Variants in PRKG1 observed in about 807,000 individuals in gnomAD.
PRKG1 encodes protein kinase cGMP-dependent 1.
PRKG1 carries 35 observed loss-of-function variants against 88.1 expected under a neutral mutation model. That is an observed-to-expected ratio of 0.40 (90% CI 0.30 to 0.53). The LOEUF (loss-of-function observed/expected upper bound fraction) is 0.53, where lower values mean the gene tolerates loss of function less well. Among genes scored for constraint, PRKG1 ranks in the 20% least tolerant of loss-of-function variants. The pLI, the probability that PRKG1 is intolerant of heterozygous loss-of-function variation, is 0.59. For missense variants in PRKG1, 540 were observed against 839.8 expected (o/e 0.64, Z 4.41); for synonymous variants, 303 against 292.5 (o/e 1.04, Z -0.37).
At chr10:51,210,981 T>G (rs1838200645) in intron 2 of PRKG1, among the ~76,000 whole-genome samples, 1 of 152,172 alleles carries the variant, frequency 6.6e-6, no homozygotes, top group South Asian at 2.1e-4. Flanking sequence ...AGCATCATCC[T>G]GATACCAAAG....
intron 3 of PRKG1, among the ~76,000 whole-genome samples, chr10:51,670,780 AT>A (rs1840553324): frequency 6.7e-6 from 1 of 149,672 alleles, no homozygotes; most frequent in African/African-American, 2.5e-5. Flanking sequence ...AAATAAATAA[AT>A]AAATAAAAAT....
chr10:51,570,796 GA>G (rs1837733204), intron 3 of PRKG1, among the ~76,000 whole-genome samples: 1 of 151,742 alleles, frequency 6.6e-6, no homozygotes. Context: ...CAAAAGAAAT[GA>G]GATCACTTCT....
At chr10:51,399,214 T>C (rs1837665881) in intron 2 of PRKG1, among the ~76,000 whole-genome samples, 2 of 152,194 alleles carry the variant, frequency 1.3e-5, no homozygotes, top group South Asian at 2.1e-4. Context: ...TTATATGTTA[T>C]ATATGTATAA....
At chr10:51,108,576 G>C (rs969648499) in intron 1 of PRKG1, among the ~76,000 whole-genome samples, 28 of 152,108 alleles carry the variant, frequency 1.8e-4, no homozygotes, top group African/African-American at 6.8e-4. Context: ...ACTTAAGCCA[G>C]TACCCATTCC....
chr10:51,247,406 G>A (rs1839319220), intron 2 of PRKG1, among the ~76,000 whole-genome samples: 1 of 151,878 alleles, frequency 6.6e-6, no homozygotes, highest in Non-Finnish European at 1.5e-5. Flanking sequence ...AATTACATGA[G>A]CAAAACACAT....
chr10:52,250,966 A>G (rs534262631), intron 9 of PRKG1, among the ~76,000 whole-genome samples: 2 of 152,232 alleles, frequency 1.3e-5, no homozygotes, highest in African/African-American at 4.8e-5. Flanking sequence ...AAATGAAGGG[A>G]AGACACTTTT....
In PRKG1 at chr10:51,358,629, CA is replaced by C. The variant is rs201604877; in HGVS notation, c.479-109092del. On this transcript the variant is annotated intron_variant, in intron 2 of 17. Coordinates refer to ENST00000373980, the MANE Select transcript of PRKG1 (RefSeq NM_006258.4). The stretch of plus-strand genomic sequence containing the variant: ...TGTAGTATAATAGAAAGAGAAGAGA[CA>C]AGGAGGAGGCTGATAGTCATTTTAC... 1.6e-3 allele frequency among the ~76,000 whole-genome samples: 247 copies of C among 151,934 alleles called. 1 individual carries two copies. The East Asian group carries it at 0.026, about 16-fold the overall frequency.
rs558719080 is a variant in PRKG1, at chr10:51,810,027, A to G, written c.698+5337A>G. On this transcript the variant is annotated intron_variant, in intron 4 of 17. Coordinates refer to ENST00000373980, the MANE Select transcript of PRKG1 (RefSeq NM_006258.4). ...CCTCCCTTTGAATGGATGCATTACCAGAGTGATCTAAGATGTGACAACACA... is the reference window on the plus strand; with the variant it reads ...CCTCCCTTTGAATGGATGCATTACCGGAGTGATCTAAGATGTGACAACACA... Among the ~76,000 whole-genome samples the G allele has an allele frequency of 2.0e-5, 3 of 152,252 alleles. No individual in the cohort carries two copies. The South Asian group carries it at 6.2e-4, about 32-fold the overall frequency.
chr10:52,277,230 T>C (rs912698688), intron 12 of PRKG1, among the ~76,000 whole-genome samples: 2 of 151,762 alleles, frequency 1.3e-5, no homozygotes, highest in African/African-American at 4.9e-5. Context: ...GTGAGAAGCA[T>C]GGGGAAAGTG....
intron 3 of PRKG1, among the ~76,000 whole-genome samples, chr10:51,606,573 C>G (rs1417975921): frequency 6.6e-6 from 1 of 152,018 alleles, no homozygotes; most frequent in African/African-American, 2.4e-5. Flanking sequence ...AGGGGTAAAT[C>G]AGAGGCTAGG....
At chr10:51,897,049 A>T (rs1841868357) in intron 4 of PRKG1, among the ~76,000 whole-genome samples, 1 of 152,220 alleles carries the variant, frequency 6.6e-6, no homozygotes, top group Admixed American at 6.5e-5. Context: ...GGGACAAGAA[A>T]CTAAGAGAAG....
chr10:51,102,148 G>A (rs1844702500), intron 1 of PRKG1, among the ~76,000 whole-genome samples: 1 of 152,186 alleles, frequency 6.6e-6, no homozygotes, highest in South Asian at 2.1e-4. Flanking sequence ...CAATATGCAA[G>A]TGACCTCAAA....
At chr10:51,936,546 G>T (rs1438063954) in intron 5 of PRKG1, among the ~76,000 whole-genome samples, 2 of 151,962 alleles carry the variant, frequency 1.3e-5, no homozygotes, top group Admixed American at 1.3e-4. Flanking sequence ...CATAGTACTG[G>T]ATTCTAAGGA....
At chr10:52,084,896 G>A (rs899801717) in intron 7 of PRKG1, among the ~76,000 whole-genome samples, 3 of 151,872 alleles carry the variant, frequency 2.0e-5, no homozygotes, top group Non-Finnish European at 4.4e-5. Context: ...CTGAAACTAT[G>A]CGACAGCTTT....
chr10:52,194,467 T>C (rs141965739), intron 9 of PRKG1, among the ~76,000 whole-genome samples: 11 of 152,276 alleles, frequency 7.2e-5, no homozygotes, highest in African/African-American at 2.6e-4. Context: ...ATACTTAGGA[T>C]TAGTAAGAAC....
chr10:51,951,401 C>A (rs1473018695), intron 5 of PRKG1, among the ~76,000 whole-genome samples: 1 of 152,160 alleles, frequency 6.6e-6, no homozygotes, highest in African/African-American at 2.4e-5. Context: ...TGGTTGCCTG[C>A]CAGATGTTTT....
At chr10:51,643,505 T>A (rs1839848407) in intron 3 of PRKG1, among the ~76,000 whole-genome samples, 1 of 152,202 alleles carries the variant, frequency 6.6e-6, no homozygotes. Flanking sequence ...AAAGCTCTTA[T>A]ACATTGGCAG....
intron 5 of PRKG1, among the ~76,000 whole-genome samples, chr10:51,960,206 T>A (rs1843413093): frequency 6.6e-6 from 1 of 151,738 alleles, no homozygotes; most frequent in African/African-American, 2.4e-5. Context: ...CCATTTAGCA[T>A]CCTTATCCTC....
At chr10:51,427,440 C>T (rs16917904) in intron 2 of PRKG1, among the ~76,000 whole-genome samples, 2,209 of 152,242 alleles carry the variant, frequency 0.015, 45 homozygotes, top group Admixed American at 0.049. Flanking sequence ...ACAAAATCAC[C>T]AAAAGGCATG....
Sources: allele counts gnomAD v4.1 joint callset (sites outside exome capture counted in the v4.1 genomes callset), GRCh38; gene constraint gnomAD v4.1.1; transcripts MANE v1.5; gene names NCBI Gene and HGNC (gene_info 2026-07-23, HGNC 2026-07-21).